CHST8: variants seen among roughly 807,000 people sequenced by gnomAD.
CHST8 encodes carbohydrate sulfotransferase 8.
Under a neutral mutation model 15.0 loss-of-function variants are expected in CHST8, and 10 were observed. The observed-to-expected ratio is 0.67, with a 90% confidence interval of 0.41 to 1.13. The LOEUF (loss-of-function observed/expected upper bound fraction) is 1.13, where lower values mean the gene tolerates loss of function less well. Ranked by LOEUF, CHST8 falls within the 50% of genes most tolerant of loss-of-function variation. CHST8 has a pLI of 0.00. For missense variants in CHST8, 634 were observed against 608.2 expected (o/e 1.04, Z -0.45); for synonymous variants, 259 against 256.6 (o/e 1.01, Z -0.09).
intron 3 of CHST8, among the ~76,000 whole-genome samples, chr19:33,692,850 G>A (rs1042127416): frequency 2.6e-5 from 4 of 152,096 alleles, no homozygotes; most frequent in Non-Finnish European, 5.9e-5. Context: ...GAGTAGGATA[G>A]TGCCATGAAC....
At position 33,696,862 on chromosome 19, in the gene CHST8, C is replaced by T. The variant is rs560517837; in HGVS notation, c.130+7471C>T. On this transcript the variant is annotated intron_variant, in intron 3 of 4. Transcript: ENST00000650847. ...TTTAAGTTTTTTTTTTTTTTTGAGA[C>T]GGAGTTTTGCTCTCGTTGCCCAGGC... is the stretch of plus-strand genomic sequence containing the variant. Among the ~76,000 whole-genome samples, 21 of 146,928 alleles carry T rather than the reference C, an allele frequency of 1.4e-4. 1 individual carries two copies. Among genetic ancestry groups the T allele is most frequent in the Middle Eastern group, 7.0e-3 (2 of 284 alleles).
At position 33,650,526 on chromosome 19, in the gene CHST8, T is replaced by TC. The variant is rs1568315079; in HGVS notation, c.-163-17241_-163-17240insC. ...CTTTTTCTTTTTCTTTTCTTTTTTT[T>TC]TTTTTTTTTTTTTTTTTTTTTGAGA... On this transcript the variant is annotated intron_variant, in intron 1 of 4. Transcript: ENST00000650847. Among the ~76,000 whole-genome samples, 497 of 108,538 alleles carry TC rather than the reference T, an allele frequency of 4.6e-3. 21 individuals carry two copies. The highest frequency in any genetic ancestry group is 0.018 in the African/African-American group (463 of 26,008). 71.2% of individuals were successfully genotyped at this position (108,538 alleles called of 152,430 possible). A position where few individuals can be genotyped will look rare whatever the true frequency, so the allele number is the denominator to read the frequency against.
chr19:33,734,366 A>G (rs915756159), intron 3 of CHST8, among the ~76,000 whole-genome samples: 20 of 152,340 alleles, frequency 1.3e-4, no homozygotes, highest in African/African-American at 4.8e-4. Context: ...TGGAATAGCC[A>G]TTCTTCATTC....
Position 33,753,196 on chromosome 19 carries a change from G to A in CHST8, c.131-18217G>A, listed in dbSNP as rs534409871. Among the ~76,000 whole-genome samples the A allele has an allele frequency of 1.5e-4, 23 of 152,044 alleles. No homozygotes were observed. The East Asian group carries it at 3.7e-3, about 24-fold the overall frequency. Reference sequence around the variant, plus strand: ...GCCAGAGCCTGCACCTTCACCAGGGGGAGCGGCCAGGAGCCTGCCTATGTA... The same window carrying A: ...GCCAGAGCCTGCACCTTCACCAGGGAGAGCGGCCAGGAGCCTGCCTATGTA... On this transcript the variant is annotated intron_variant, in intron 3 of 4. Coordinates refer to ENST00000650847, the MANE Select transcript of CHST8 (RefSeq NM_001127895.2).
intron 3 of CHST8, among the ~76,000 whole-genome samples, chr19:33,702,040 T>G (rs1322353595): frequency 1.3e-5 from 2 of 152,072 alleles, no homozygotes; most frequent in Non-Finnish European, 2.9e-5. Context: ...CCAGGCTGGA[T>G]CTCAGCTCAC....
intron 3 of CHST8, among the ~76,000 whole-genome samples, chr19:33,712,070 A>T (rs945234113): frequency 6.6e-6 from 1 of 152,266 alleles, no homozygotes; most frequent in South Asian, 2.1e-4. Flanking sequence ...GACAATAAGG[A>T]TAGTAAAACA....
intron 3 of CHST8, among the ~76,000 whole-genome samples, chr19:33,720,133 C>T (rs1973756473): frequency 6.6e-6 from 1 of 152,128 alleles, no homozygotes; most frequent in African/African-American, 2.4e-5. Context: ...AGGGCATGGG[C>T]AGCTCCTCAT....
intron 3 of CHST8, among the ~76,000 whole-genome samples, chr19:33,706,139 T>C (rs1365298570): frequency 1.3e-5 from 2 of 152,184 alleles, no homozygotes; most frequent in East Asian, 3.8e-4. Flanking sequence ...GTCTTCTTGG[T>C]GACCGGACAA....
intron 3 of CHST8, among the ~76,000 whole-genome samples, chr19:33,752,429 CTTG>C (rs72025972): frequency 0.08 from 12,152 of 152,212 alleles, 1,570 homozygotes; most frequent in African/African-American, 0.28. Context: ...TCCTTTATCT[CTTG>C]TTGTCATGGG....
chr19:33,657,624 T>C (rs1268091918), intron 1 of CHST8, among the ~76,000 whole-genome samples: 1 of 151,900 alleles, frequency 6.6e-6, no homozygotes, highest in Non-Finnish European at 1.5e-5. Flanking sequence ...GGCTGGAATG[T>C]AGTGGTGCAA....
At chr19:33,661,908 T>C (rs1369564348) in intron 1 of CHST8, among the ~76,000 whole-genome samples, 1 of 149,040 alleles carries the variant, frequency 6.7e-6, no homozygotes, top group East Asian at 2.0e-4. Context: ...TGGTGGTGTG[T>C]GCCTGTAGTC....
chr19:33,669,836 A>T (rs1378986269), intron 2 of CHST8, among the ~76,000 whole-genome samples: 1 of 152,240 alleles, frequency 6.6e-6, no homozygotes, highest in Non-Finnish European at 1.5e-5. Context: ...GTAGATATGC[A>T]TGAGGCATGG....
chr19:33,761,858 G>T (rs1387150899), intron 3 of CHST8, among the ~76,000 whole-genome samples: 1 of 151,858 alleles, frequency 6.6e-6, no homozygotes, highest in Non-Finnish European at 1.5e-5. Flanking sequence ...GAAGGAAGTG[G>T]GGGAGGGAGA....
chr19:33,672,372 AT>A (rs1336515999), intron 2 of CHST8, among the ~76,000 whole-genome samples: 3 of 151,956 alleles, frequency 2.0e-5, no homozygotes, highest in African/African-American at 7.3e-5. Context: ...TGATTTTTGT[AT>A]TTTTTGTAGA....
At chr19:33,663,500 G>A (rs972168667) in intron 1 of CHST8, among the ~76,000 whole-genome samples, 1 of 152,196 alleles carries the variant, frequency 6.6e-6, no homozygotes, top group Non-Finnish European at 1.5e-5. Flanking sequence ...AGGAAGTCAA[G>A]GCTGCAGTGA....
intron 3 of CHST8, among the ~76,000 whole-genome samples, chr19:33,699,742 G>A (rs748305351): frequency 9.9e-5 from 15 of 152,248 alleles, no homozygotes; most frequent in African/African-American, 3.4e-4. Context: ...TTCACTCTGC[G>A]TCCCAGGGTT....
At chr19:33,728,180 C>G (rs1973937163) in intron 3 of CHST8, among the ~76,000 whole-genome samples, 1 of 152,266 alleles carries the variant, frequency 6.6e-6, no homozygotes, top group Non-Finnish European at 1.5e-5. Context: ...CTCAGTTACT[C>G]TTTCATGTAA....
intron 3 of CHST8, among the ~76,000 whole-genome samples, chr19:33,732,766 A>G (rs1176094570): frequency 6.6e-6 from 1 of 152,116 alleles, no homozygotes; most frequent in Non-Finnish European, 1.5e-5. Flanking sequence ...ACCCTCGGAA[A>G]GGCAGTGGGG....
intron 3 of CHST8, among the ~76,000 whole-genome samples, chr19:33,742,229 T>C (rs547194188): frequency 3.6e-4 from 55 of 152,180 alleles, no homozygotes; most frequent in Non-Finnish European, 6.8e-4. Flanking sequence ...CTTTGGTCAC[T>C]GAGTTCTGGA....
Sources: allele counts gnomAD v4.1 joint callset (sites outside exome capture counted in the v4.1 genomes callset), GRCh38; gene constraint gnomAD v4.1.1; transcripts MANE v1.5; gene names NCBI Gene and HGNC (gene_info 2026-07-23, HGNC 2026-07-21).